The following TRAF3IP3 variants were observed in gnomAD, a reference collection of about 807,000 sequenced individuals.
The protein encoded by TRAF3IP3 is TRAF3-interacting JNK-activating modulator.
Under a neutral mutation model 86.5 loss-of-function variants are expected in TRAF3IP3, and 64 were observed. That is an observed-to-expected ratio of 0.74 (90% CI 0.60 to 0.91). The LOEUF (loss-of-function observed/expected upper bound fraction) is 0.91, where lower values mean the gene tolerates loss of function less well. Ranked by LOEUF, TRAF3IP3 falls within the 40% of genes least tolerant of loss-of-function variation. TRAF3IP3 has a pLI of 0.00. For synonymous variants in TRAF3IP3, 220 were observed against 243.9 expected (o/e 0.90, Z 0.91); for missense variants, 579 against 642.9 (o/e 0.90, Z 1.07).
chr1:209,775,538 G>T, intron 10 of TRAF3IP3, 49 bp downstream of exon 10: 1 of 1,614,164 alleles, frequency 6.2e-7, no homozygotes, highest in African/African-American at 1.3e-5. Flanking sequence ...AGGCAGCTTG[G>T]GGAACAAGGG....
rs112506565 is a variant in TRAF3IP3, at chr1:209,775,427, G to A, written c.853G>A (p.Glu285Lys). The A allele has an allele frequency of 1.2e-5, 20 of 1,614,222 alleles. No individual in the cohort carries two copies. Among genetic ancestry groups the A allele is most frequent in the Non-Finnish European group, 1.7e-5 (20 of 1,180,026 alleles). Residue 285 changes from glutamate (E) to lysine (K), a missense_variant, in exon 10 of 17, where the codon GAG (glutamate) becomes AAG (lysine). Coordinates refer to ENST00000367025, the MANE Select transcript of TRAF3IP3 (RefSeq NM_025228.4). ...AAACAGCTATGAGCAGAAGGCCAAGGAGTCACTGCAGAAAGTGCTGGAGGA... is the reference window on the plus strand; with the variant it reads ...AAACAGCTATGAGCAGAAGGCCAAGAAGTCACTGCAGAAAGTGCTGGAGGA... ...QKNSYEQKAK[E>K]SLQKVLEEKM...
chr1:209,758,943 T>C (rs1034007097), intron 1 of TRAF3IP3, 91 bp from the exon 2 acceptor site: 3 of 152,218 alleles, frequency 2.0e-5, no homozygotes, highest in Non-Finnish European at 4.4e-5. Flanking sequence ...GGTAAGGCCA[T>C]GCAGAGGGTC....
intron 13 of TRAF3IP3, 84 bp from the exon 14 acceptor site, chr1:209,779,231 C>A: frequency 1.8e-6 from 2 of 1,131,140 alleles, no homozygotes; most frequent in Non-Finnish European, 2.6e-6. Context: ...TATTTAATAA[C>A]CAAGGTTCTA....
At position 209,756,234 on chromosome 1, in the gene TRAF3IP3, C is replaced by A. The variant is rs2272867; in HGVS notation, c.-235C>A. On this transcript the variant is annotated 5_prime_UTR_variant, in exon 1 of 17. In the 5' UTR this introduces an upstream ATG that the reference lacks. Transcript: ENST00000367025. ...TTACCCATCTGCTGTCTTGCTCCAT[C>A]TGAGACCAGAGCCAAGATCTGCCCA... 28,566 of 152,316 alleles carry A rather than the reference C, an allele frequency of 0.19. 2,865 individuals are homozygous for A. Among genetic ancestry groups the A allele is most frequent in the Non-Finnish European group, 0.21 (14,342 of 68,064 alleles). The allele number at this position is 152,316 out of a possible 1,614,324, so 9.4% of individuals were successfully genotyped here. A position where few individuals can be genotyped will look rare whatever the true frequency, so the allele number is the denominator to read the frequency against.
intron 8 of TRAF3IP3, chr1:209,768,363 G>C: frequency 7.1e-6 from 7 of 985,424 alleles, no homozygotes; most frequent in Non-Finnish European, 8.4e-6. Context: ...TCCTGAGGAG[G>C]GTCCAACCTT....
At chr1:209,780,796 T>A (rs2077761146) in intron 15 of TRAF3IP3, 190 bp downstream of exon 15, 1 of 403,636 alleles carries the variant, frequency 2.5e-6, no homozygotes, top group African/African-American at 2.1e-5. Context: ...TTATACCAAC[T>A]CCTATTCAAG....
intron 8 of TRAF3IP3, among the ~76,000 whole-genome samples, chr1:209,765,790 A>G (rs56057644): frequency 1.3e-5 from 2 of 152,242 alleles, no homozygotes; most frequent in African/African-American, 4.8e-5. Context: ...TAGCTTCTCA[A>G]TTTGCTTCTG....
intron 8 of TRAF3IP3, among the ~76,000 whole-genome samples, chr1:209,769,084 G>A (rs2077413520): frequency 6.6e-6 from 1 of 152,212 alleles, no homozygotes; most frequent in Non-Finnish European, 1.5e-5. Flanking sequence ...ATGGAATGGG[G>A]AGAGAGGAGG....
chr1:209,779,362 T>G lies in TRAF3IP3; in HGVS notation c.1300T>G (p.Leu434Val). 6.2e-7 allele frequency: 1 copy of G among 1,614,086 alleles called. No individual in the cohort carries two copies. ...ACAGCTTCAAGAACAGGAGAAACTCTTAACAAAGAAAGGTCAGCAAATTTA... is the reference window on the plus strand; with the variant it reads ...ACAGCTTCAAGAACAGGAGAAACTCGTAACAAAGAAAGGTCAGCAAATTTA... Reference protein sequence around the residue: ...SLQLQEQEKLLTKKDQALPVW... With the variant: ...SLQLQEQEKLVTKKDQALPVW... The change falls in exon 14 of 17, where the codon TTA becomes GTA. Residue 434 changes from leucine to valine, a missense_variant. Physicochemically the swap from Leu to Val is conservative, Grantham distance 32 (BLOSUM62 1). Transcript: ENST00000367025.
intron 9 of TRAF3IP3, among the ~76,000 whole-genome samples, chr1:209,774,487 T>G (rs2077611972): frequency 6.6e-6 from 1 of 152,206 alleles, no homozygotes; most frequent in Admixed American, 6.5e-5. Flanking sequence ...AGTTGGTCAA[T>G]TTATCAGAAC....
chr1:209,778,388 C>A, intron 13 of TRAF3IP3: 1 of 483,680 alleles, frequency 2.1e-6, no homozygotes. Context: ...GTTCTCCTTC[C>A]ATGCCAATGA....
At chr1:209,757,609 C>T (rs763336997) in intron 1 of TRAF3IP3, among the ~76,000 whole-genome samples, 5 of 152,058 alleles carry the variant, frequency 3.3e-5, no homozygotes, top group Non-Finnish European at 7.3e-5. Context: ...ATCTGGTAAA[C>T]AATATACTCT....
chr1:209,772,138 C>A (rs1330850180), intron 8 of TRAF3IP3, among the ~76,000 whole-genome samples: 1 of 151,874 alleles, frequency 6.6e-6, no homozygotes, highest in African/African-American at 2.4e-5. Flanking sequence ...CCTAGGGCTG[C>A]TATGACAAAG....
At chr1:209,762,784 T>C (rs779707547) in intron 4 of TRAF3IP3, 29 bp from the exon 5 acceptor site, 2 of 1,472,706 alleles carry the variant, frequency 1.4e-6, no homozygotes, top group East Asian at 2.6e-5. Flanking sequence ...CCCTGTAAGT[T>C]CTAAATCAAC....
chr1:209,775,802 C>T, intron 11 of TRAF3IP3, 66 bp downstream of exon 11: 1 of 1,503,452 alleles, frequency 6.7e-7, no homozygotes. Context: ...ATGAAAGAAG[C>T]TGTTCTGGAT....
At chr1:209,776,714 T>C (rs1260268993) in intron 11 of TRAF3IP3, 6 of 151,834 alleles carry the variant, frequency 4.0e-5, no homozygotes, top group Non-Finnish European at 2.9e-5. Flanking sequence ...TCCAGAAAAC[T>C]AATGACTTTG....
At chr1:209,763,009 T>C in intron 5 of TRAF3IP3, 59 bp from the exon 6 acceptor site, 5 of 1,599,574 alleles carry the variant, frequency 3.1e-6, no homozygotes, top group Non-Finnish European at 4.3e-6. Flanking sequence ...ATCAACCCAC[T>C]GCCTCCTGAC....
At chr1:209,768,200 T>A in intron 8 of TRAF3IP3, 3 of 985,466 alleles carry the variant, frequency 3.0e-6, no homozygotes, top group Non-Finnish European at 3.6e-6. Flanking sequence ...TTTTGCCATT[T>A]GACCTTCATA....
At chr1:209,757,675 G>GC (rs1362120892) in intron 1 of TRAF3IP3, among the ~76,000 whole-genome samples, 1 of 152,192 alleles carries the variant, frequency 6.6e-6, no homozygotes, top group Non-Finnish European at 1.5e-5. Context: ...TCCTAGAAGT[G>GC]CTAGTTTAGC....
Sources: allele counts gnomAD v4.1 joint callset (sites outside exome capture counted in the v4.1 genomes callset), GRCh38; gene constraint gnomAD v4.1.1; transcripts MANE v1.5; gene names NCBI Gene and HGNC (gene_info 2026-07-23, HGNC 2026-07-21).